The following RFX3 variants were observed in gnomAD, a reference collection of about 807,000 sequenced individuals.
RFX3 encodes the protein regulatory factor X3, also known as transcription factor RFX3.
A neutral mutation model predicts 98.6 loss-of-function variants in RFX3; 14 were observed. That is an observed-to-expected ratio of 0.14 (90% CI 0.09 to 0.22). The LOEUF (loss-of-function observed/expected upper bound fraction) is 0.22. Ranked by LOEUF, RFX3 falls within the 10% of genes least tolerant of loss-of-function variation. RFX3 has a pLI of 1.00. For synonymous variants in RFX3, 383 were observed against 328.4 expected (o/e 1.17, Z -1.80); for missense variants, 639 against 926.9 (o/e 0.69, Z 4.03).
At chr9:3,477,636 T>C (rs1225403154) in intron 1 of RFX3, among the ~76,000 whole-genome samples, 1 of 152,204 alleles carries the variant, frequency 6.6e-6, no homozygotes, top group Non-Finnish European at 1.5e-5. Flanking sequence ...ATGGATCACT[T>C]TGGGCTTATT....
intron 14 of RFX3, among the ~76,000 whole-genome samples, chr9:3,254,568 T>C (rs1320806104): frequency 6.6e-6 from 1 of 151,924 alleles, no homozygotes; most frequent in Non-Finnish European, 1.5e-5. Flanking sequence ...GATGGAGTCT[T>C]GCTCTGTCGC....
intron 14 of RFX3, 40 bp from the exon 15 acceptor site, chr9:3,248,225 T>C (rs149476122): frequency 1.9e-6 from 3 of 1,546,026 alleles, no homozygotes; most frequent in East Asian, 2.3e-5. Flanking sequence ...CTAACATTAG[T>C]GACAAGAATT....
At chr9:3,282,543 G>C (rs1226010339) in intron 7 of RFX3, among the ~76,000 whole-genome samples, 1 of 151,748 alleles carries the variant, frequency 6.6e-6, no homozygotes, top group Admixed American at 6.6e-5. Flanking sequence ...AATATTTAGA[G>C]AGCACCGACA....
intron 1 of RFX3, among the ~76,000 whole-genome samples, chr9:3,476,434 A>C (rs1849263617): frequency 6.6e-6 from 1 of 152,160 alleles, no homozygotes; most frequent in Non-Finnish European, 1.5e-5. Flanking sequence ...GCATTGATGC[A>C]AAGTTTAGTA....
intron 6 of RFX3, among the ~76,000 whole-genome samples, chr9:3,290,657 A>G (rs1231023738): frequency 3.3e-5 from 5 of 152,236 alleles, no homozygotes; most frequent in Non-Finnish European, 2.9e-5. Context: ...CACATTCTTC[A>G]GTTTAAAATA....
intron 2 of RFX3, among the ~76,000 whole-genome samples, chr9:3,366,869 C>CA (rs1837272609): frequency 6.6e-6 from 1 of 151,820 alleles, no homozygotes; most frequent in Non-Finnish European, 1.5e-5. Flanking sequence ...CATTCCCACT[C>CA]AAAAAAGTAG....
At chr9:3,400,453 G>A (rs1249559945) in intron 1 of RFX3, among the ~76,000 whole-genome samples, 2 of 152,166 alleles carry the variant, frequency 1.3e-5, no homozygotes, top group East Asian at 3.9e-4. Flanking sequence ...ATCCCATCAA[G>A]TATCAACCAA....
At chr9:3,320,627 T>TACACAC (rs57819521) in intron 4 of RFX3, among the ~76,000 whole-genome samples, 5 of 147,322 alleles carry the variant, frequency 3.4e-5, no homozygotes, top group Non-Finnish European at 5.9e-5. Flanking sequence ...TGTTTCTATT[T>TACACAC]ACACACACAC....
intron 3 of RFX3, among the ~76,000 whole-genome samples, chr9:3,337,169 C>T (rs372848095): frequency 7.9e-5 from 12 of 152,170 alleles, no homozygotes; most frequent in Middle Eastern, 3.4e-3. Flanking sequence ...CATGAGAAAA[C>T]GGAGTTGCAA....
chr9:3,257,054 T>A lies in RFX3; in HGVS notation c.1751A>T (p.Tyr584Phe), dbSNP rs1412730844. The A allele has an allele frequency of 6.2e-7, 1 of 1,614,048 alleles. No individual in the cohort carries two copies. The change falls in exon 14 of 17, where the codon TAT (tyrosine) becomes TTT (phenylalanine). Residue 584 changes from tyrosine (Y) to phenylalanine (F), a missense_variant. Physicochemically the swap from Tyr to Phe is conservative, Grantham distance 22 (BLOSUM62 3). Around this residue, in one of 9 missense-constraint regions of RFX3, gnomAD observed 138 missense variants for 308.9 expected, o/e 0.45. Coordinates refer to ENST00000617270, the MANE Select transcript of RFX3 (RefSeq NM_001282116.2). ...DNVMMQALKP[Y>F]EGRPSFPKAA... Reference sequence around the variant, plus strand: ...TTTAGGAAAACTGGGTCTTCCTTCATAGGGTTTCAGTGCTTGCATCATCAC... The same window carrying A: ...TTTAGGAAAACTGGGTCTTCCTTCAAAGGGTTTCAGTGCTTGCATCATCAC...
chr9:3,420,722 T>G lies in RFX3; in HGVS notation c.-8-25126A>C, dbSNP rs369528865. 528 of 913,274 alleles carry G rather than the reference T, an allele frequency of 5.8e-4. 10 individuals carry two copies. In the South Asian group the frequency reaches 0.024, roughly 41 times the overall value. 56.6% of individuals were successfully genotyped at this position (913,274 alleles called of 1,614,324 possible). The stretch of plus-strand genomic sequence containing the variant: ...ACAGCAAAGTCAGGAATTATTTCTA[T>G]AAACCCCTGTATCCTTCCATAACTG... On this transcript the variant is annotated intron_variant, in intron 1 of 16. Coordinates refer to ENST00000617270, the MANE Select transcript of RFX3 (RefSeq NM_001282116.2).
intron 1 of RFX3, among the ~76,000 whole-genome samples, chr9:3,472,001 G>A (rs1220174116): frequency 2.6e-5 from 4 of 152,188 alleles, no homozygotes; most frequent in South Asian, 2.1e-4. Flanking sequence ...CTGGCCATGT[G>A]GCCTGATGAG....
intron 4 of RFX3, among the ~76,000 whole-genome samples, chr9:3,310,296 T>C (rs1293526435): frequency 6.6e-6 from 1 of 152,182 alleles, no homozygotes; most frequent in Non-Finnish European, 1.5e-5. Flanking sequence ...GAATATCATA[T>C]ATACGGACAA....
rs369886912 is a variant in RFX3 at position 3,442,304 on chromosome 9, C to T, written c.-8-46708G>A. On this transcript the variant is annotated intron_variant, in intron 1 of 16. Coordinates refer to ENST00000617270, the MANE Select transcript of RFX3 (RefSeq NM_001282116.2). ...CATCAATGATAAGCGTATATTGATA[C>T]CATATGATGTGATGAGAAAGGCACC... 3.9e-4 allele frequency among the ~76,000 whole-genome samples: 59 copies of T among 152,028 alleles called. 1 individual carries two copies. The South Asian group carries it at 0.012, about 30-fold the overall frequency.
At chr9:3,445,730 TAGG>T (rs1407362340) in intron 1 of RFX3, among the ~76,000 whole-genome samples, 3 of 152,162 alleles carry the variant, frequency 2.0e-5, no homozygotes, top group Admixed American at 6.6e-5. Flanking sequence ...ACGCGATCGA[TAGG>T]AGATCTTCCC....
chr9:3,510,929 C>T (rs973197575), intron 1 of RFX3, among the ~76,000 whole-genome samples: 5 of 151,778 alleles, frequency 3.3e-5, no homozygotes, highest in African/African-American at 9.7e-5. Context: ...TATATATAAC[C>T]CTTTGAGAAA....
intron 1 of RFX3, among the ~76,000 whole-genome samples, chr9:3,459,726 A>G (rs957991311): frequency 6.6e-6 from 1 of 151,928 alleles, no homozygotes; most frequent in African/African-American, 2.4e-5. Flanking sequence ...TTCCTTCTCA[A>G]TCTTCTCGTG....
chr9:3,313,916 T>C (rs967407500), intron 4 of RFX3, among the ~76,000 whole-genome samples: 3 of 152,152 alleles, frequency 2.0e-5, no homozygotes, highest in African/African-American at 4.8e-5. Context: ...CTGAAAGTGA[T>C]GGGGAGAATG....
intron 1 of RFX3, among the ~76,000 whole-genome samples, chr9:3,519,713 T>A (rs900570735): frequency 2.3e-4 from 35 of 152,282 alleles, no homozygotes; most frequent in African/African-American, 8.4e-4. Flanking sequence ...TTCACCAGTA[T>A]ACTTATTCTA....
Sources: gnomAD v4.1 joint callset for allele counts (sites outside exome capture counted in the v4.1 genomes callset) on GRCh38, gnomAD v4.1.1 for gene constraint, gnomAD v4.1.1 regional missense constraint, MANE v1.5 for transcripts, NCBI Gene and HGNC (gene_info 2026-07-23, HGNC 2026-07-21) for gene names.